The following CFAP46 variants were observed in gnomAD, a reference collection of about 807,000 sequenced individuals.
The protein encoded by CFAP46 is cilia- and flagella-associated protein 46.
In CFAP46, 245 loss-of-function variants were observed where a neutral mutation model predicts 325.7. The observed-to-expected ratio is 0.75, with a 90% confidence interval of 0.68 to 0.84. CFAP46 has a LOEUF of 0.84. Among genes scored for constraint, CFAP46 ranks in the 40% least tolerant of loss-of-function variants. The pLI, the probability that CFAP46 is intolerant of heterozygous loss-of-function variation, is 0.00. For synonymous variants in CFAP46, 1,523 were observed against 1,495.9 expected (o/e 1.02, Z -0.42); for missense variants, 3,346 against 3,543.0 (o/e 0.94, Z 1.41).
At chr10:132,866,676 G>A (rs978278458) in intron 34 of CFAP46, among the ~76,000 whole-genome samples, 7 of 152,176 alleles carry the variant, frequency 4.6e-5, no homozygotes, top group African/African-American at 7.2e-5. Flanking sequence ...GGCCTGGGGC[G>A]GTGGCTGAGC....
At chr10:132,816,936 T>C (rs1006615960) in intron 50 of CFAP46, among the ~76,000 whole-genome samples, 1 of 152,194 alleles carries the variant, frequency 6.6e-6, no homozygotes, top group African/African-American at 2.4e-5. Flanking sequence ...TGGGATTTGC[T>C]TCTCAATTTT....
intron 22 of CFAP46, among the ~76,000 whole-genome samples, chr10:132,900,252 G>A (rs566062064): frequency 6.6e-6 from 1 of 152,270 alleles, no homozygotes; most frequent in South Asian, 2.1e-4. Flanking sequence ...TGGAAGTCTG[G>A]CCCCAGAAGG....
intron 2 of CFAP46, 96 bp downstream of exon 2, chr10:132,941,884 C>T: frequency 6.6e-7 from 1 of 1,515,318 alleles, no homozygotes; most frequent in South Asian, 1.3e-5. Context: ...CCAGGAGCTG[C>T]CTCTCCCCAG....
intron 11 of CFAP46, 106 bp from the exon 12 acceptor site, chr10:132,922,814 A>AG: frequency 1.1e-6 from 1 of 878,172 alleles, no homozygotes; most frequent in Admixed American, 2.4e-5. Context: ...AGTGTAGGGC[A>AG]GGCTTGGTGC....
rs1440628446 is a variant in CFAP46, at chr10:132,828,507, G to A, written c.7117+4851C>T. On this transcript the variant is annotated intron_variant, in intron 50 of 57. Coordinates refer to ENST00000368586, the MANE Select transcript of CFAP46 (RefSeq NM_001200049.3). This position sits in a 1 kb window ranked among gnomAD's most constrained non-coding sequence, Gnocchi z 4.9. ...TGCTATCTAAATCTTTTCTCGTGAA[G>A]TATCTGTTCAAATCTTTTTTAGGGT... Among the ~76,000 whole-genome samples the A allele has an allele frequency of 6.6e-6, 1 of 152,190 alleles. No homozygotes were observed. The highest frequency in any genetic ancestry group is 1.5e-5 in the Non-Finnish European group (1 of 68,042).
intron 7 of CFAP46, 34 bp downstream of exon 7, chr10:132,936,927 C>T: frequency 3.0e-6 from 4 of 1,335,700 alleles, no homozygotes. Flanking sequence ...ACTTGTGAAA[C>T]TCAGTATTTG....
At chr10:132,898,787 A>G in intron 24 of CFAP46, 172 bp downstream of exon 24, 2 of 848,108 alleles carry the variant, frequency 2.4e-6, no homozygotes, top group Non-Finnish European at 3.9e-6. Context: ...GGGCCCCCGC[A>G]GTGCTGGGAC....
In CFAP46 at chr10:132,834,687, G is replaced by A. The variant is rs148109095; in HGVS notation, c.6833C>T (p.Pro2278Leu). ...GGAGAGGCTGAGCAGGGGGAATAGC[G>A]GCTGCAGAAGCTCCTCCAGGGGCCC... Reference protein sequence around the residue: ...VLGPLEELLQPLFPLLSLSKA... With the variant: ...VLGPLEELLQLLFPLLSLSKA... Residue 2278 changes from proline (P) to leucine (L), a missense_variant, in exon 48 of 58, where the codon CCG becomes CTG. Pro to Leu is a moderately conservative substitution (Grantham distance 98). Coordinates refer to ENST00000368586, the MANE Select transcript of CFAP46 (RefSeq NM_001200049.3). 8.7e-6 allele frequency: 14 copies of A among 1,612,914 alleles called. No homozygotes were observed. In the African/African-American group the frequency reaches 9.3e-5, roughly 11 times the overall value.
chr10:132,937,521 T>C lies in CFAP46; in HGVS notation c.660+31A>G, dbSNP rs1163178983. ...CAATGACTTTTAAGAAAATTACTTC[T>C]TACGTCTCTATTTCTAATACGCTGA... On this transcript the variant is annotated intron_variant, in intron 6 of 57. Transcript: ENST00000368586. 5 of 1,612,262 alleles carry C rather than the reference T, an allele frequency of 3.1e-6. No homozygotes were observed. The Admixed American group carries it at 6.7e-5, about 22-fold the overall frequency.
At position 132,919,181 on chromosome 10, in the gene CFAP46, T is replaced by C; in HGVS notation, c.1858+134A>G. 1.0e-6 allele frequency: 1 copy of C among 979,032 alleles called. No homozygotes were observed. Among genetic ancestry groups the C allele is most frequent in the South Asian group, 1.9e-5 (1 of 51,814 alleles). The allele number at this position is 979,032 out of a possible 1,614,324, so 60.6% of individuals were successfully genotyped here. On this transcript the variant is annotated intron_variant, in intron 15 of 57. Coordinates refer to ENST00000368586, the MANE Select transcript of CFAP46 (RefSeq NM_001200049.3). This position sits in a 1 kb window ranked among gnomAD's most constrained non-coding sequence, Gnocchi z 9.7. ...GGTCCTGATAATTAGTGGGAACTGC[T>C]ACCATTGTGACTTAGCAATACGCTT...
At chr10:132,902,767 A>G (rs1440033289) in intron 22 of CFAP46, among the ~76,000 whole-genome samples, 1 of 152,178 alleles carries the variant, frequency 6.6e-6, no homozygotes, top group African/African-American at 2.4e-5. Flanking sequence ...CACTTCCTTT[A>G]AAGAGTGTTG....
At position 132,867,437 on chromosome 10, in the gene CFAP46, G is replaced by T. The variant is rs1848832400; in HGVS notation, c.4681C>A (p.Leu1561Met). ...EPLLEESLPA[L>M]NEQTLPVQPG... is the part of the protein sequence containing the mutation. ...TGGACAGGAAGTGTCTGCTCATTCA[G>T]TGCTGGCAGGCTTTCTTCTAATAAA... The change falls in exon 34 of 58, where the codon CTG (leucine) becomes ATG (methionine). Residue 1561 changes from leucine (L) to methionine (M), a missense_variant. By Grantham distance (15) the Leu-to-Met change is conservative. Coordinates refer to ENST00000368586, the MANE Select transcript of CFAP46 (RefSeq NM_001200049.3). The T allele has an allele frequency of 4.5e-6, 7 of 1,550,488 alleles. No homozygotes were observed. Among genetic ancestry groups the T allele is most frequent in the Non-Finnish European group, 5.2e-6 (6 of 1,147,012 alleles).
intron 55 of CFAP46, among the ~76,000 whole-genome samples, chr10:132,812,488 G>T (rs1847600791): frequency 6.6e-6 from 1 of 152,196 alleles, no homozygotes; most frequent in Non-Finnish European, 1.5e-5. Context: ...ACTGACTCCT[G>T]CCAGGTCTGA....
At chr10:132,930,185 C>A (rs1330290134) in intron 8 of CFAP46, among the ~76,000 whole-genome samples, 1 of 152,130 alleles carries the variant, frequency 6.6e-6, no homozygotes, top group Non-Finnish European at 1.5e-5. Context: ...TGCAGCTCAG[C>A]GAGGCCAGAG....
At chr10:132,900,384 C>T (rs976731438) in intron 22 of CFAP46, among the ~76,000 whole-genome samples, 4 of 152,376 alleles carry the variant, frequency 2.6e-5, no homozygotes, top group Admixed American at 6.5e-5. Context: ...GGGGCTGCAA[C>T]GCCACACACA....
At chr10:132,906,127 C>T (rs1394446213) in intron 22 of CFAP46, among the ~76,000 whole-genome samples, 1 of 152,256 alleles carries the variant, frequency 6.6e-6, no homozygotes, top group African/African-American at 2.4e-5. Flanking sequence ...GGACTGGGCT[C>T]CAGACCAACT....
In CFAP46 at chr10:132,828,219, T is replaced by G. The variant is rs931639804; in HGVS notation, c.7117+5139A>C. Among the ~76,000 whole-genome samples the G allele has an allele frequency of 1.3e-5, 2 of 152,242 alleles. No individual in the cohort carries two copies. Among genetic ancestry groups the G allele is most frequent in the African/African-American group, 4.8e-5 (2 of 41,462 alleles). On this transcript the variant is annotated intron_variant, in intron 50 of 57. Transcript: ENST00000368586. The surrounding 1 kb of genome is among the most constrained non-coding windows in gnomAD (Gnocchi z 4.9). ...CGTGTCTCCTTATCTCTTTGGTAGA[T>G]GGAGTGGAATGACTGCGGCATACAA...
At chr10:132,873,876 C>T (rs1347277248) in intron 31 of CFAP46, among the ~76,000 whole-genome samples, 1 of 152,166 alleles carries the variant, frequency 6.6e-6, no homozygotes, top group Non-Finnish European at 1.5e-5. Flanking sequence ...CATGGCAATA[C>T]ATCCAAAATG....
At chr10:132,931,014 C>CT (rs1849890819) in intron 8 of CFAP46, among the ~76,000 whole-genome samples, 2 of 124,664 alleles carry the variant, frequency 1.6e-5, no homozygotes, top group Admixed American at 7.9e-5. Flanking sequence ...CCTTCCTCCT[C>CT]CACAAACAAA....
Sources: allele counts gnomAD v4.1 joint callset (sites outside exome capture counted in the v4.1 genomes callset), GRCh38; gene constraint gnomAD v4.1.1; non-coding constraint Gnocchi (gnomAD v3.1); transcripts MANE v1.5; gene names NCBI Gene and HGNC (gene_info 2026-07-23, HGNC 2026-07-21).